Variants in CDH12 observed in about 807,000 individuals in gnomAD.
CDH12 encodes the protein cadherin 12.
Under a neutral mutation model 74.1 loss-of-function variants are expected in CDH12, and 41 were observed. The ratio of observed to expected loss-of-function variants is 0.55; its 90% CI spans 0.43 to 0.72. The LOEUF (loss-of-function observed/expected upper bound fraction) is 0.72, where lower values mean the gene tolerates loss of function less well. Ranked by LOEUF, CDH12 falls within the 30% of genes least tolerant of loss-of-function variation. The probability of loss-of-function intolerance (pLI) is 0.00; values close to 1 mark genes in which losing one functional copy is unlikely to be tolerated. For missense variants in CDH12, 945 were observed against 977.2 expected, an observed-to-expected ratio of 0.97 and a Z score of 0.44; for synonymous variants, 399 against 355.0, an observed-to-expected ratio of 1.12 and a Z score of -1.39.
intron 3 of CDH12, among the ~76,000 whole-genome samples, chr5:22,376,666 G>T (rs1277527666): frequency 1.4e-5 from 2 of 147,276 alleles, no homozygotes; most frequent in Non-Finnish European, 3.0e-5. Flanking sequence ...ACAGGCATGT[G>T]CCACTATGGT....
At chr5:22,578,606 C>T (rs1049448018) in intron 1 of CDH12, among the ~76,000 whole-genome samples, 11 of 152,118 alleles carry the variant, frequency 7.2e-5, no homozygotes, top group Non-Finnish European at 1.3e-4. Context: ...CCACTGCTTT[C>T]CCAGAAAATC....
intron 2 of CDH12, among the ~76,000 whole-genome samples, chr5:22,416,054 G>A (rs1406027235): frequency 7.4e-6 from 1 of 134,868 alleles, no homozygotes; most frequent in African/African-American, 2.7e-5. Context: ...TAATGTACTT[G>A]TAGGTCTTTT....
At chr5:22,020,090 G>A (rs1269817248) in intron 5 of CDH12, among the ~76,000 whole-genome samples, 1 of 152,176 alleles carries the variant, frequency 6.6e-6, no homozygotes, top group African/African-American at 2.4e-5. Flanking sequence ...TCTGATTAGA[G>A]ATTCAGATAC....
chr5:21,989,118 T>C (rs573960648), intron 5 of CDH12, among the ~76,000 whole-genome samples: 9 of 151,484 alleles, frequency 5.9e-5, no homozygotes, highest in Non-Finnish European at 8.8e-5. Flanking sequence ...GAAGGCATAA[T>C]AGAGAGAAAG....
At chr5:22,475,333 T>C (rs1746123403) in intron 2 of CDH12, among the ~76,000 whole-genome samples, 1 of 151,992 alleles carries the variant, frequency 6.6e-6, no homozygotes, top group African/African-American at 2.4e-5. Flanking sequence ...GCATGCATTT[T>C]ATAATTACTA....
At chr5:22,270,273 T>C (rs1335731508) in intron 3 of CDH12, among the ~76,000 whole-genome samples, 1 of 152,154 alleles carries the variant, frequency 6.6e-6, no homozygotes, top group Non-Finnish European at 1.5e-5. Flanking sequence ...TGAAGTATAG[T>C]TTATGCCCTG....
At chr5:21,905,583 C>T (rs1369644647) in intron 6 of CDH12, among the ~76,000 whole-genome samples, 2 of 152,216 alleles carry the variant, frequency 1.3e-5, no homozygotes, top group African/African-American at 4.8e-5. Context: ...GAGTCCCTTA[C>T]CCGATCACTC....
chr5:22,387,931 GT>G (rs1415178951), intron 3 of CDH12, among the ~76,000 whole-genome samples: 2 of 152,072 alleles, frequency 1.3e-5, no homozygotes. Context: ...ACTAGAGATT[GT>G]CACTAAGACT....
intron 4 of CDH12, among the ~76,000 whole-genome samples, chr5:22,187,666 A>AG: frequency 8.8e-6 from 1 of 113,176 alleles, no homozygotes; most frequent in African/African-American, 3.7e-5. Context: ...AAAAAAAAAG[A>AG]AAGAAAGAAA....
intron 3 of CDH12, among the ~76,000 whole-genome samples, chr5:22,304,582 A>G (rs1738025515): frequency 6.6e-6 from 1 of 152,214 alleles, no homozygotes; most frequent in African/African-American, 2.4e-5. Flanking sequence ...TATAGGAGAC[A>G]TGAAGGTAAA....
At chr5:22,820,296 G>GT (rs1749625502) in intron 1 of CDH12, among the ~76,000 whole-genome samples, 1 of 151,964 alleles carries the variant, frequency 6.6e-6, no homozygotes, top group East Asian at 1.9e-4. Context: ...ATATGGTTTG[G>GT]TTTTGTCCCC....
intron 11 of CDH12, among the ~76,000 whole-genome samples, chr5:21,768,177 G>A (rs13164873): frequency 0.38 from 57,368 of 151,520 alleles, 13,735 homozygotes; most frequent in Non-Finnish European, 0.53. Context: ...GTTCCCAATA[G>A]TGAAACCATT....
chr5:22,605,798 G>A (rs888300430), intron 1 of CDH12, among the ~76,000 whole-genome samples: 4 of 152,250 alleles, frequency 2.6e-5, no homozygotes, highest in Non-Finnish European at 4.4e-5. Flanking sequence ...GTACTTTGGT[G>A]TGCTTGTTTT....
intron 6 of CDH12, among the ~76,000 whole-genome samples, chr5:21,936,122 C>T (rs1755063194): frequency 6.6e-6 from 1 of 152,112 alleles, no homozygotes; most frequent in Non-Finnish European, 1.5e-5. Context: ...AGTGGGATTG[C>T]TGGATCATAT....
chr5:22,703,990 A>G (rs532280886), intron 1 of CDH12, among the ~76,000 whole-genome samples: 1 of 152,270 alleles, frequency 6.6e-6, no homozygotes, highest in African/African-American at 2.4e-5. Flanking sequence ...CCTTTCTTTG[A>G]TAACTGTCCA....
In CDH12 at chr5:21,882,151, T is replaced by C. The variant is rs146296405; in HGVS notation, c.527-27361A>G. Among the ~76,000 whole-genome samples the C allele has an allele frequency of 5.1e-3, 770 of 152,364 alleles. 10 individuals are homozygous for C. The highest frequency in any genetic ancestry group is 0.017 in the African/African-American group (726 of 41,586). ...TTTAGCTTCAGACGGTTATTGTCAC[T>C]GGATTTCTTTGTTATGCCATTATAA... On this transcript the variant is annotated intron_variant, in intron 6 of 14. Transcript: ENST00000382254.
chr5:22,647,057 T>C (rs1739472236), intron 1 of CDH12, among the ~76,000 whole-genome samples: 2 of 151,984 alleles, frequency 1.3e-5, no homozygotes, highest in African/African-American at 4.8e-5. Flanking sequence ...TACTGGGGGA[T>C]AGTTTCATAA....
chr5:21,836,793 A>G (rs1004213438), intron 8 of CDH12, among the ~76,000 whole-genome samples: 10 of 151,960 alleles, frequency 6.6e-5, no homozygotes, highest in Admixed American at 5.3e-4. Flanking sequence ...GAAATCCTCT[A>G]CAGATATCCT....
intron 1 of CDH12, among the ~76,000 whole-genome samples, chr5:22,541,593 A>T (rs1273263001): frequency 6.6e-6 from 1 of 152,206 alleles, no homozygotes; most frequent in Non-Finnish European, 1.5e-5. Flanking sequence ...TCCTGTAAAA[A>T]TAATGATGAC....
Sources: gnomAD v4.1 joint callset for allele counts (sites outside exome capture counted in the v4.1 genomes callset) on GRCh38, gnomAD v4.1.1 for gene constraint, MANE v1.5 for transcripts, NCBI Gene and HGNC (gene_info 2026-07-23, HGNC 2026-07-21) for gene names.